PPP1R12B: variants seen among roughly 807,000 people sequenced by gnomAD.
PPP1R12B encodes protein phosphatase 1 regulatory subunit 12B.
Under a neutral mutation model 126.1 loss-of-function variants are expected in PPP1R12B, and 76 were observed. The ratio of observed to expected loss-of-function variants is 0.60; its 90% CI spans 0.50 to 0.73. PPP1R12B has a LOEUF of 0.73. Ranked by LOEUF, PPP1R12B falls within the 30% of genes least tolerant of loss-of-function variation. The pLI, the probability that PPP1R12B is intolerant of heterozygous loss-of-function variation, is 0.00. For missense variants in PPP1R12B, 1,052 were observed against 1,205.1 expected (o/e 0.87, Z 1.88); for synonymous variants, 356 against 434.7 (o/e 0.82, Z 2.25).
At chr1:202,446,502 G>A (rs1425560277) in intron 12 of PPP1R12B, among the ~76,000 whole-genome samples, 3 of 148,152 alleles carry the variant, frequency 2.0e-5, no homozygotes, top group South Asian at 2.1e-4. Flanking sequence ...CTCATGATCC[G>A]CCCACTTCGG....
chr1:202,517,414 A>G (rs1183646419), intron 18 of PPP1R12B, among the ~76,000 whole-genome samples: 1 of 152,206 alleles, frequency 6.6e-6, no homozygotes, highest in African/African-American at 2.4e-5. Flanking sequence ...TCAGCTATGT[A>G]TTTACGTTAG....
rs183214322 is a variant in PPP1R12B, at chr1:202,390,901, A to G, written c.292-25886A>G. Among the ~76,000 whole-genome samples, 752 of 152,252 alleles carry G rather than the reference A, an allele frequency of 4.9e-3. 11 individuals are homozygous for G. The highest frequency in any genetic ancestry group is 0.017 in the African/African-American group (686 of 41,564). Reference sequence around the variant, plus strand: ...ACTATAGCAGGACAACATCTCTACAAACAATTTGAAAAATTAGCCAGGCAT... The same window carrying G: ...ACTATAGCAGGACAACATCTCTACAGACAATTTGAAAAATTAGCCAGGCAT... On this transcript the variant is annotated intron_variant, in intron 1 of 23. Coordinates refer to ENST00000608999, the MANE Select transcript of PPP1R12B (RefSeq NM_002481.4).
At chr1:202,355,692 A>C (rs962109399) in intron 1 of PPP1R12B, among the ~76,000 whole-genome samples, 3 of 152,192 alleles carry the variant, frequency 2.0e-5, no homozygotes, top group African/African-American at 4.8e-5. Context: ...TAGGATTCTG[A>C]AGCAGCACTT....
intron 1 of PPP1R12B, among the ~76,000 whole-genome samples, chr1:202,373,826 A>G (rs1312728750): frequency 1.3e-5 from 2 of 152,326 alleles, no homozygotes; most frequent in South Asian, 2.1e-4. Context: ...AAAAGTGTAC[A>G]TAAAACACAA....
intron 22 of PPP1R12B, among the ~76,000 whole-genome samples, chr1:202,568,486 T>C (rs1688270414): frequency 6.6e-6 from 1 of 152,240 alleles, no homozygotes; most frequent in Non-Finnish European, 1.5e-5. Context: ...GTCCTGTTGT[T>C]GTCTGTTTAA....
intron 13 of PPP1R12B, among the ~76,000 whole-genome samples, chr1:202,480,382 G>A (rs1318801308): frequency 1.3e-5 from 2 of 152,154 alleles, no homozygotes; most frequent in African/African-American, 2.4e-5. Flanking sequence ...AGTAGAACAT[G>A]GCCAGTAAGG....
intron 18 of PPP1R12B, among the ~76,000 whole-genome samples, chr1:202,516,084 C>T (rs1682113701): frequency 6.6e-6 from 1 of 152,172 alleles, no homozygotes; most frequent in South Asian, 2.1e-4. Flanking sequence ...AATCATAGTA[C>T]TTATCACATA....
chr1:202,453,573 C>G (rs1006364923), intron 13 of PPP1R12B, among the ~76,000 whole-genome samples: 1 of 151,936 alleles, frequency 6.6e-6, no homozygotes, highest in African/African-American at 2.4e-5. Flanking sequence ...TCAGGTCCCA[C>G]GTGAGTATGT....
intron 1 of PPP1R12B, among the ~76,000 whole-genome samples, chr1:202,402,355 A>G (rs1171749419): frequency 6.6e-6 from 1 of 152,166 alleles, no homozygotes; most frequent in Non-Finnish European, 1.5e-5. Flanking sequence ...TGTGATCTCA[A>G]GGGATGTTTG....
In PPP1R12B at chr1:202,373,080, G is replaced by A. The variant is rs1232574936; in HGVS notation, c.291+23938G>A. 5.9e-5 allele frequency among the ~76,000 whole-genome samples: 9 copies of A among 151,850 alleles called. 1 individual carries two copies. The highest frequency in any genetic ancestry group is 1.3e-4 in the Admixed American group (2 of 15,216). Reference sequence around the variant, plus strand: ...CTCCTGAGTAGCTGGGACTACAGGCGCACACCACCACGCCTGGCTAATTTT... The same window carrying A: ...CTCCTGAGTAGCTGGGACTACAGGCACACACCACCACGCCTGGCTAATTTT... On this transcript the variant is annotated intron_variant, in intron 1 of 23. Coordinates refer to ENST00000608999, the MANE Select transcript of PPP1R12B (RefSeq NM_002481.4).
In PPP1R12B at chr1:202,450,790, T is replaced by G. The variant is rs569395127; in HGVS notation, c.1850+1619T>G. 1.2e-4 allele frequency among the ~76,000 whole-genome samples: 18 copies of G among 152,366 alleles called. No homozygotes were observed. The South Asian group carries it at 3.7e-3, about 32-fold the overall frequency. On this transcript the variant is annotated intron_variant, in intron 13 of 23. Transcript: ENST00000608999. Reference sequence around the variant, plus strand: ...CTTTGTGGTATCATCTGAAGTCAGGTAATGTTATTCCAGTTTTGTTCTTTT... The same window carrying G: ...CTTTGTGGTATCATCTGAAGTCAGGGAATGTTATTCCAGTTTTGTTCTTTT...
At chr1:202,359,228 TCCACCTCCCA>T (rs1657692855) in intron 1 of PPP1R12B, among the ~76,000 whole-genome samples, 1 of 151,948 alleles carries the variant, frequency 6.6e-6, no homozygotes, top group Admixed American at 6.6e-5. Context: ...CACTGCAACC[TCCACCTCCCA>T]GGGTGTCTCA....
At chr1:202,381,322 G>A (rs187699231) in intron 1 of PPP1R12B, among the ~76,000 whole-genome samples, 2 of 151,992 alleles carry the variant, frequency 1.3e-5, no homozygotes, top group African/African-American at 4.8e-5. Flanking sequence ...GGACCTTTTG[G>A]TTTGACCTGA....
chr1:202,408,112 C>CT (rs994495940), intron 1 of PPP1R12B, among the ~76,000 whole-genome samples: 58 of 152,200 alleles, frequency 3.8e-4, no homozygotes, highest in African/African-American at 1.3e-3. Flanking sequence ...TGCAGGGGGT[C>CT]TTGCAACCAG....
At chr1:202,380,336 C>CAGAA (rs1490363599) in intron 1 of PPP1R12B, among the ~76,000 whole-genome samples, 3 of 152,082 alleles carry the variant, frequency 2.0e-5, no homozygotes, top group Admixed American at 1.3e-4. Context: ...CTGTGGCAGG[C>CAGAA]AGAAGACTCA....
At chr1:202,497,193 A>G (rs549505266) in intron 18 of PPP1R12B, among the ~76,000 whole-genome samples, 3 of 152,376 alleles carry the variant, frequency 2.0e-5, no homozygotes, top group South Asian at 2.1e-4. Context: ...AGAGAGGGAC[A>G]TAAATGTGGA....
chr1:202,396,772 G>A (rs529237647), intron 1 of PPP1R12B, among the ~76,000 whole-genome samples: 40 of 152,166 alleles, frequency 2.6e-4, no homozygotes, highest in African/African-American at 9.2e-4. Context: ...GCCATCATGC[G>A]TGGCTAATTT....
chr1:202,438,567 T>C (rs984799624), intron 10 of PPP1R12B: 10 of 450,114 alleles, frequency 2.2e-5, no homozygotes, highest in Admixed American at 2.1e-4. Flanking sequence ...TGGAAGAGGC[T>C]GAACAGCCTG....
chr1:202,503,601 C>T (rs1390086352), intron 18 of PPP1R12B, among the ~76,000 whole-genome samples: 2 of 151,890 alleles, frequency 1.3e-5, no homozygotes, highest in African/African-American at 4.8e-5. Context: ...GAGAAGAGGC[C>T]GAAAGAGCCC....
Sources: allele counts gnomAD v4.1 joint callset (sites outside exome capture counted in the v4.1 genomes callset), GRCh38; gene constraint gnomAD v4.1.1; transcripts MANE v1.5; gene names NCBI Gene and HGNC (gene_info 2026-07-23, HGNC 2026-07-21).